Variants in SRRM1 observed in about 807,000 individuals in gnomAD.
SRRM1 encodes the protein serine/arginine repetitive matrix protein 1.
In SRRM1, 19 loss-of-function variants were observed where a neutral mutation model predicts 110.2. That is an observed-to-expected ratio of 0.17 (90% CI 0.12 to 0.25). SRRM1 has a LOEUF of 0.25. SRRM1 is among the 10% of genes least tolerant of loss of function. The pLI, the probability that SRRM1 is intolerant of heterozygous loss-of-function variation, is 1.00. For missense variants in SRRM1, 918 were observed against 1,145.8 expected (o/e 0.80, Z 2.87); for synonymous variants, 443 against 414.9 (o/e 1.07, Z -0.82).
In SRRM1 at chr1:24,670,296, C is replaced by T. The variant is rs201182764; in HGVS notation, c.2381C>T (p.Pro794Leu). ...GTCAAAAAGGCCAAAAGCCCAACAC[C>T]GAGCCCATCACCGCCAAGAGTATGT... ...VPVKKAKSPTPSPSPPRNSDQ... is the reference protein window; with the variant it reads ...VPVKKAKSPTLSPSPPRNSDQ... Residue 794 changes from proline to leucine, a missense_variant, in exon 15 of 17, where the codon CCG becomes CTG. By Grantham distance (98) the Pro-to-Leu change is moderately conservative. Around this residue, in one of 5 missense-constraint regions of SRRM1, gnomAD observed 357 missense variants for 402.9 expected, o/e 0.89. Transcript: ENST00000323848. The T allele has an allele frequency of 3.7e-5, 60 of 1,612,504 alleles. No homozygotes were observed. The highest frequency in any genetic ancestry group is 3.5e-4 in the Admixed American group (21 of 59,558).
chr1:24,645,082 C>T (rs1656607685), intron 1 of SRRM1, among the ~76,000 whole-genome samples: 1 of 152,168 alleles, frequency 6.6e-6, no homozygotes, highest in Admixed American at 6.5e-5. Flanking sequence ...ATTCAATGAA[C>T]TTCTTCCACA....
intron 11 of SRRM1, 24 bp from the exon 12 acceptor site, chr1:24,662,636 A>T (rs376332025): frequency 6.2e-7 from 1 of 1,608,034 alleles, no homozygotes; most frequent in South Asian, 1.1e-5. Flanking sequence ...CTAATGTAAT[A>T]TTTTTTTAAT....
intron 7 of SRRM1, 77 bp from the exon 8 acceptor site, chr1:24,652,836 G>A (rs1661782168): frequency 6.7e-7 from 1 of 1,499,434 alleles, no homozygotes; most frequent in African/African-American, 1.4e-5. Flanking sequence ...TTTTTTAGAT[G>A]TGGCCATTGA....
Position 24,672,277 on chromosome 1 carries a change from A to G in SRRM1, c.2706A>G (p.Pro902=), listed in dbSNP as rs55882946. 3.8e-6 allele frequency: 6 copies of G among 1,599,852 alleles called. No homozygotes were observed. Among genetic ancestry groups the G allele is most frequent in the East Asian group, 2.2e-5 (1 of 44,756 alleles). Residue 902 remains proline (P), a synonymous_variant, in exon 17 of 17, where the codon CCA becomes CCG. Coordinates refer to ENST00000323848, the MANE Select transcript of SRRM1 (RefSeq NM_005839.4). The stretch of plus-strand genomic sequence containing the variant: ...CAATGAGGAAGGCCCAAGTGTCCCC[A>G]CAGTCTTAGGGGGAAATGTTTGTTA... The part of the protein sequence containing the change: ...LRSMRKAQVS[P]QS
chr1:24,671,658 T>C, intron 16 of SRRM1, 63 bp downstream of exon 16: 1 of 1,439,592 alleles, frequency 6.9e-7, no homozygotes, highest in Non-Finnish European at 9.4e-7. Context: ...AGTCATTTTG[T>C]TTTGAGAAGT....
chr1:24,672,247 G>C lies in SRRM1; in HGVS notation c.2676G>C (p.Leu892=). 6.2e-7 allele frequency: 1 copy of C among 1,609,580 alleles called. No homozygotes were observed. Among genetic ancestry groups the C allele is most frequent in the Non-Finnish European group, 8.5e-7 (1 of 1,177,642 alleles). ...AAAAGCACCTGCGTGAAAAGGCCCT[G>C]AGATCAATGAGGAAGGCCCAAGTGT... is the stretch of plus-strand genomic sequence containing the variant. ...DLEKHLREKA[L]RSMRKAQVSP... is the part of the protein sequence containing the mutation. Residue 892 remains leucine (L), a synonymous_variant, in exon 17 of 17, where the codon CTG becomes CTC. Transcript: ENST00000323848.
chr1:24,646,521 TCA>T (rs1491419554), intron 2 of SRRM1, 144 bp from the exon 3 acceptor site: 1 of 531,210 alleles, frequency 1.9e-6, no homozygotes, highest in Non-Finnish European at 3.0e-6. Context: ...AGACTCTGTC[TCA>T]AAAAAAAAAA....
intron 9 of SRRM1, 104 bp downstream of exon 9, chr1:24,655,233 A>G (rs1029382320): frequency 2.4e-6 from 3 of 1,238,042 alleles, no homozygotes; most frequent in South Asian, 1.4e-5. Context: ...TAGCTAGATA[A>G]TATTTGTATC....
chr1:24,657,175 G>A (rs1192150017), intron 9 of SRRM1, among the ~76,000 whole-genome samples: 1 of 152,092 alleles, frequency 6.6e-6, no homozygotes, highest in Non-Finnish European at 1.5e-5. Context: ...CCAACCCCTG[G>A]GATTACAAGT....
rs1664231154 is a variant in SRRM1 at position 24,656,571 on chromosome 1, T to C, written c.1315+1442T>C. On this transcript the variant is annotated intron_variant, in intron 9 of 16. Transcript: ENST00000323848. The stretch of plus-strand genomic sequence containing the variant: ...AATTTCAGTCCATTTTCAGTTACCA[T>C]GTCCAAATCTGATGCCCATGGCCCT... 2.6e-5 allele frequency among the ~76,000 whole-genome samples: 4 copies of C among 152,236 alleles called. No homozygotes were observed. In the South Asian group the frequency reaches 8.3e-4, roughly 31 times the overall value.
intron 4 of SRRM1, 142 bp from the exon 5 acceptor site, chr1:24,649,829 A>G (rs1659586660): frequency 1.7e-6 from 1 of 573,468 alleles, no homozygotes; most frequent in Non-Finnish European, 2.9e-6. Flanking sequence ...TCTGTAGTGT[A>G]GGTGAAGAAA....
rs559567751 is a variant in SRRM1 at position 24,672,399 on chromosome 1, G to C, written c.*113G>C. The C allele has an allele frequency of 1.0e-5, 7 of 702,674 alleles. No homozygotes were observed. Among genetic ancestry groups the C allele is most frequent in the Non-Finnish European group, 1.6e-5 (7 of 431,328 alleles). The allele number at this position is 702,674 out of a possible 1,614,324, so 43.5% of individuals were successfully genotyped here. A position where few individuals can be genotyped will look rare whatever the true frequency, so the allele number is the denominator to read the frequency against. ...ATAACATTTGTTGTAATAATTGCTAGGTTGAAGTTCAACATGTAAAAAAAG... is the reference window on the plus strand; with the variant it reads ...ATAACATTTGTTGTAATAATTGCTACGTTGAAGTTCAACATGTAAAAAAAG... On this transcript the variant is annotated 3_prime_UTR_variant, in exon 17 of 17. Transcript: ENST00000323848.
chr1:24,652,396 G>GT, intron 6 of SRRM1, 38 bp from the exon 7 acceptor site: 1 of 1,339,764 alleles, frequency 7.5e-7, no homozygotes, highest in Non-Finnish European at 1.0e-6. Context: ...CTGAGTACAA[G>GT]AAGGCAAAAA....
chr1:24,664,756 A>G (rs1669035746), intron 12 of SRRM1, among the ~76,000 whole-genome samples: 2 of 152,230 alleles, frequency 1.3e-5, no homozygotes, highest in Non-Finnish European at 2.9e-5. Flanking sequence ...TTTGGCTGCT[A>G]AAGCATTCCT....
chr1:24,663,443 A>G (rs970674842), intron 12 of SRRM1, among the ~76,000 whole-genome samples: 1 of 152,108 alleles, frequency 6.6e-6, no homozygotes, highest in African/African-American at 2.4e-5. Context: ...CCTTATTTGA[A>G]CTTAGATTTT....
At chr1:24,648,465 T>C (rs767023691) in intron 3 of SRRM1, 35 of 159,610 alleles carry the variant, frequency 2.2e-4, no homozygotes, top group Non-Finnish European at 3.7e-4. Context: ...ACTTTTTCCG[T>C]TTCTCATTGG....
chr1:24,671,391 A>G lies in SRRM1; in HGVS notation c.2406A>G (p.Ser802=), dbSNP rs774506558. 10 of 1,599,122 alleles carry G rather than the reference A, an allele frequency of 6.3e-6. No individual in the cohort carries two copies. The Admixed American group carries it at 1.8e-4, about 29-fold the overall frequency. Residue 802 remains serine (S), a synonymous_variant, in exon 16 of 17, where the codon TCA becomes TCG. Transcript: ENST00000323848. The stretch of plus-strand genomic sequence containing the variant: ...TTGTTTTTTTTTCTTCCTAGAATTC[A>G]GATCAGGAAGGAGGTGGAAAGAAAA... ...PTPSPSPPRN[S]DQEGGGKKKK... is the part of the protein sequence containing the mutation.
At position 24,661,411 on chromosome 1, in the gene SRRM1, G is replaced by T; in HGVS notation, c.1483+15G>T. On this transcript the variant is annotated intron_variant, in intron 11 of 16. Coordinates refer to ENST00000323848, the MANE Select transcript of SRRM1 (RefSeq NM_005839.4). ...GTCTTCATCTGGTATGGATGGTGAT[G>T]AAAGTTTTTTTTCTACCTGTATTTC... 6.2e-7 allele frequency: 1 copy of T among 1,600,218 alleles called. No individual in the cohort carries two copies. Among genetic ancestry groups the T allele is most frequent in the Non-Finnish European group, 8.5e-7 (1 of 1,170,856 alleles).
chr1:24,659,533 T>C (rs1443909071), intron 9 of SRRM1, among the ~76,000 whole-genome samples: 1 of 152,244 alleles, frequency 6.6e-6, no homozygotes, highest in Admixed American at 6.5e-5. Flanking sequence ...TATATGTTTA[T>C]ATGTGAATAT....
Sources: gnomAD v4.1 joint callset for allele counts (sites outside exome capture counted in the v4.1 genomes callset) on GRCh38, gnomAD v4.1.1 for gene constraint, gnomAD v4.1.1 regional missense constraint, MANE v1.5 for transcripts, NCBI Gene and HGNC (gene_info 2026-07-23, HGNC 2026-07-21) for gene names.